Variants in NRXN1 observed in about 807,000 individuals in gnomAD.
NRXN1 encodes the protein neurexin-1.
In NRXN1, 39 loss-of-function variants were observed where a neutral mutation model predicts 150.9. The ratio of observed to expected loss-of-function variants is 0.26; its 90% CI spans 0.20 to 0.34. The LOEUF (loss-of-function observed/expected upper bound fraction) is 0.34, where lower values mean the gene tolerates loss of function less well. Ranked by LOEUF, NRXN1 falls within the 10% of genes least tolerant of loss-of-function variation. NRXN1 has a pLI of 1.00. For missense variants in NRXN1, 1,815 were observed against 1,949.9 expected, an observed-to-expected ratio of 0.93 and a Z score of 1.30; for synonymous variants, 924 against 757.0, an observed-to-expected ratio of 1.22 and a Z score of -3.62.
intron 5 of NRXN1, among the ~76,000 whole-genome samples, chr2:50,698,248 G>A (rs1285265716): frequency 6.6e-6 from 1 of 152,192 alleles, no homozygotes. Flanking sequence ...AAGGACATTT[G>A]GTAGTCCCTG....
chr2:50,212,800 A>C (rs542359550), intron 18 of NRXN1, among the ~76,000 whole-genome samples: 21 of 152,034 alleles, frequency 1.4e-4, no homozygotes, highest in African/African-American at 5.1e-4. Context: ...TGCTTGCATT[A>C]TATGAAACTT....
chr2:50,104,755 T>A (rs564204039), intron 18 of NRXN1, among the ~76,000 whole-genome samples: 65 of 152,086 alleles, frequency 4.3e-4, no homozygotes, highest in African/African-American at 1.5e-3. Flanking sequence ...AATTCCAGAT[T>A]TTGTGTGCTA....
chr2:50,930,567 C>A (rs1687589438), intron 2 of NRXN1, among the ~76,000 whole-genome samples: 1 of 152,056 alleles, frequency 6.6e-6, no homozygotes, highest in African/African-American at 2.4e-5. Flanking sequence ...TCATGAGGAA[C>A]TACTACAAGG....
At chr2:50,744,597 G>A (rs549536472) in intron 5 of NRXN1, among the ~76,000 whole-genome samples, 14 of 151,964 alleles carry the variant, frequency 9.2e-5, no homozygotes, top group African/African-American at 3.1e-4. Context: ...ATTGACCTTC[G>A]GAAACTTGTT....
rs1489103709 is a variant in NRXN1 at position 50,149,967 on chromosome 2, G to C, written c.3547-58473C>G. On this transcript the variant is annotated intron_variant, in intron 18 of 22. Transcript: ENST00000401669. The stretch of plus-strand genomic sequence containing the variant: ...GCTGAACTATTGATGCCAAATGAAA[G>C]TGGGATTATATAATTCAAACCACCC... 2.6e-5 allele frequency among the ~76,000 whole-genome samples: 4 copies of C among 151,770 alleles called. No homozygotes were observed. The East Asian group carries it at 7.7e-4, about 29-fold the overall frequency.
chr2:50,646,696 C>T (rs1385639566), intron 5 of NRXN1, among the ~76,000 whole-genome samples: 1 of 142,032 alleles, frequency 7.0e-6, no homozygotes, highest in African/African-American at 2.6e-5. Flanking sequence ...TGCCTCTGTA[C>T]TTTCATGTTG....
At chr2:50,120,945 C>T (rs187604953) in intron 18 of NRXN1, among the ~76,000 whole-genome samples, 6 of 152,220 alleles carry the variant, frequency 3.9e-5, no homozygotes, top group East Asian at 3.9e-4. Flanking sequence ...ACTTAGAGTG[C>T]GATACTAACA....
intron 21 of NRXN1, among the ~76,000 whole-genome samples, chr2:49,945,916 C>A (rs1197944032): frequency 1.3e-5 from 2 of 152,102 alleles, no homozygotes; most frequent in African/African-American, 2.4e-5. Flanking sequence ...AATGGGATTG[C>A]TGGGTCAAAT....
intron 21 of NRXN1, among the ~76,000 whole-genome samples, chr2:50,010,077 T>C (rs1307358116): frequency 6.6e-6 from 1 of 152,064 alleles, no homozygotes; most frequent in Non-Finnish European, 1.5e-5. Flanking sequence ...TTCTTCTGTC[T>C]TGAAAAAACA....
intron 5 of NRXN1, among the ~76,000 whole-genome samples, chr2:50,907,369 G>A (rs1683865545): frequency 6.6e-6 from 1 of 151,976 alleles, no homozygotes. Flanking sequence ...AAGTGCCTGT[G>A]TTACATGAAA....
chr2:50,271,056 T>C (rs142939732), intron 17 of NRXN1, among the ~76,000 whole-genome samples: 52 of 152,278 alleles, frequency 3.4e-4, no homozygotes, highest in Non-Finnish European at 6.8e-4. Context: ...GTTACAATGA[T>C]ATAACATAAA....
intron 2 of NRXN1, among the ~76,000 whole-genome samples, chr2:50,938,822 T>C (rs923121956): frequency 6.6e-6 from 1 of 152,202 alleles, no homozygotes; most frequent in African/African-American, 2.4e-5. Flanking sequence ...CATTCCTCTG[T>C]ATTAGGGAGT....
At chr2:50,964,797 T>C (rs551329025) in intron 2 of NRXN1, among the ~76,000 whole-genome samples, 1 of 151,550 alleles carries the variant, frequency 6.6e-6, no homozygotes, top group South Asian at 2.1e-4. Flanking sequence ...GTATTAAATA[T>C]AGTCCGATTC....
chr2:50,253,752 G>C (rs777526212), intron 17 of NRXN1, among the ~76,000 whole-genome samples: 12 of 152,158 alleles, frequency 7.9e-5, no homozygotes, highest in Non-Finnish European at 1.3e-4. Context: ...TTGCATCCCA[G>C]GGATAAAGCC....
rs190434923 is a variant in NRXN1 at position 50,170,312 on chromosome 2, T to G, written c.3546+66477A>C. Among the ~76,000 whole-genome samples, 345 of 152,200 alleles carry G rather than the reference T, an allele frequency of 2.3e-3. 5 individuals are homozygous for G. Among genetic ancestry groups the G allele is most frequent in the Admixed American group, 0.015 (235 of 15,270 alleles). On this transcript the variant is annotated intron_variant, in intron 18 of 22. Transcript: ENST00000401669. ...GTTTTGTTTTGTTTTGTTTTGTTTT[T>G]TTTGAGACAGTCTCACTCTATTGCC...
At chr2:50,282,458 A>G (rs1342086647) in intron 17 of NRXN1, among the ~76,000 whole-genome samples, 6 of 152,166 alleles carry the variant, frequency 3.9e-5, no homozygotes, top group African/African-American at 1.4e-4. Flanking sequence ...AAAATACAAT[A>G]TTCACAGGAT....
chr2:50,883,908 C>T (rs1460186582), intron 5 of NRXN1, among the ~76,000 whole-genome samples: 3 of 151,744 alleles, frequency 2.0e-5, no homozygotes, highest in Non-Finnish European at 4.4e-5. Context: ...TGATTACTTT[C>T]AGGGGTGCAG....
intron 12 of NRXN1, among the ~76,000 whole-genome samples, chr2:50,517,202 A>G (rs2092655436): frequency 6.6e-6 from 1 of 152,068 alleles, no homozygotes; most frequent in Non-Finnish European, 1.5e-5. Context: ...CATCTTAATA[A>G]CGCAAGAAGC....
At chr2:50,182,909 G>A (rs11891174) in intron 18 of NRXN1, among the ~76,000 whole-genome samples, 31,297 of 151,770 alleles carry the variant, frequency 0.21, 3,734 homozygotes, top group East Asian at 0.4. Context: ...TAGAGCTCAT[G>A]CAAGACCATC....
Sources: gnomAD v4.1 joint callset for allele counts (sites outside exome capture counted in the v4.1 genomes callset) on GRCh38, gnomAD v4.1.1 for gene constraint, MANE v1.5 for transcripts, NCBI Gene and HGNC (gene_info 2026-07-23, HGNC 2026-07-21) for gene names.